NPAS3: variants seen among roughly 807,000 people sequenced by gnomAD.
NPAS3 encodes neuronal PAS domain protein 3, also known as neuronal PAS domain-containing protein 3.
A neutral mutation model predicts 73.1 loss-of-function variants in NPAS3; 14 were observed. The ratio of observed to expected loss-of-function variants is 0.19; its 90% CI spans 0.13 to 0.30. The LOEUF is 0.30. Ranked by LOEUF, NPAS3 falls within the 10% of genes least tolerant of loss-of-function variation. The pLI is 1.00. For synonymous variants in NPAS3, 620 were observed against 541.5 expected (o/e 1.14, Z -2.01); for missense variants, 1,096 against 1,250.0 (o/e 0.88, Z 1.86).
At chr14:33,759,876 G>A (rs1272907000) in intron 7 of NPAS3, among the ~76,000 whole-genome samples, 1 of 152,140 alleles carries the variant, frequency 6.6e-6, no homozygotes, top group African/African-American at 2.4e-5. Context: ...AGGGCATTTA[G>A]CATAATGGAT....
At chr14:33,510,133 T>C (rs149434979) in intron 4 of NPAS3, among the ~76,000 whole-genome samples, 1 of 152,166 alleles carries the variant, frequency 6.6e-6, no homozygotes, top group East Asian at 1.9e-4. Flanking sequence ...AGCAGTGCGA[T>C]GTGGTGTGTG....
chr14:33,639,802 A>G (rs2140175775), intron 5 of NPAS3, among the ~76,000 whole-genome samples: 1 of 152,380 alleles, frequency 6.6e-6, no homozygotes, highest in South Asian at 2.1e-4. Context: ...TAAAAGTGTT[A>G]TCTGACTTGA....
At chr14:33,803,917 C>A (rs374121314), downstream of NPAS3, 1 of 152,116 alleles carries the variant, frequency 6.6e-6, no homozygotes, top group Admixed American at 6.5e-5. Flanking sequence ...CGTTACAAAG[C>A]GACAGCTATG....
At position 33,445,816 on chromosome 14, in the gene NPAS3, A is replaced by C. The variant is rs893016513; in HGVS notation, c.468+78548A>C. On this transcript the variant is annotated intron_variant, in intron 4 of 11. Transcript: ENST00000356141. Reference sequence around the variant, plus strand: ...CTTGGTTACCCATGTTGAATAACCAACCCATTGTTTAGGAGACAGTCACCA... The same window carrying C: ...CTTGGTTACCCATGTTGAATAACCACCCCATTGTTTAGGAGACAGTCACCA... 3.9e-5 allele frequency among the ~76,000 whole-genome samples: 6 copies of C among 152,138 alleles called. No individual in the cohort carries two copies. In the East Asian group the frequency reaches 1.2e-3, roughly 29 times the overall value.
intron 5 of NPAS3, among the ~76,000 whole-genome samples, chr14:33,563,537 C>CACACACACACACACACACAGAGAG: frequency 1.5e-4 from 18 of 119,696 alleles, no homozygotes; most frequent in South Asian, 5.4e-4. Context: ...CACACACACA[C>CACACACACACACACACACAGAGAG]AGAGAGAGAG....
chr14:33,153,247 T>C (rs1327038885), intron 2 of NPAS3, among the ~76,000 whole-genome samples: 1 of 152,016 alleles, frequency 6.6e-6, no homozygotes, highest in African/African-American at 2.4e-5. Flanking sequence ...GTATCTTCTG[T>C]GTTAGAGAGT....
At chr14:33,646,849 AT>A (rs55915631) in intron 5 of NPAS3, among the ~76,000 whole-genome samples, 72,153 of 150,642 alleles carry the variant, frequency 0.48, 17,919 homozygotes, top group African/African-American at 0.63. Flanking sequence ...TATTTATAAC[AT>A]TTTTTTTTTA....
chr14:33,210,202 A>T (rs974173715), intron 2 of NPAS3, among the ~76,000 whole-genome samples: 5 of 152,202 alleles, frequency 3.3e-5, no homozygotes, highest in African/African-American at 1.2e-4. Flanking sequence ...TCTTTTAATT[A>T]AATAAGTCAT....
intron 4 of NPAS3, among the ~76,000 whole-genome samples, chr14:33,463,695 G>A (rs2050376970): frequency 6.6e-6 from 1 of 152,154 alleles, no homozygotes; most frequent in African/African-American, 2.4e-5. Context: ...CCTGGAGTCA[G>A]GAATGTGTAG....
In NPAS3 at chr14:33,575,498, G is replaced by A. The variant is rs78182885; in HGVS notation, c.558+15288G>A. ...CCAATTGTTCCTAACATTTCTGTGA[G>A]TGCTGAGGCTCCCACATTCCTTTTC... is the stretch of plus-strand genomic sequence containing the variant. On this transcript the variant is annotated intron_variant, in intron 5 of 11. Coordinates refer to ENST00000356141, the Ensembl canonical transcript of NPAS3. Among the ~76,000 whole-genome samples the A allele has an allele frequency of 7.3e-3, 1,112 of 152,240 alleles. 67 individuals are homozygous for A. The East Asian group carries it at 0.16, about 22-fold the overall frequency.
intron 4 of NPAS3, among the ~76,000 whole-genome samples, chr14:33,458,246 G>C (rs1189491824): frequency 2.0e-5 from 3 of 152,170 alleles, no homozygotes; most frequent in East Asian, 1.9e-4. Context: ...GCCTAATGTA[G>C]ACTTGAATAC....
intron 4 of NPAS3, among the ~76,000 whole-genome samples, chr14:33,548,837 A>C (rs939691005): frequency 2.6e-5 from 4 of 152,210 alleles, no homozygotes; most frequent in Admixed American, 2.6e-4. Flanking sequence ...GACTTCACCT[A>C]AAGAACCTAA....
intron 4 of NPAS3, among the ~76,000 whole-genome samples, chr14:33,552,690 A>T (rs1210064290): frequency 6.6e-6 from 1 of 152,036 alleles, no homozygotes; most frequent in Admixed American, 6.6e-5. Context: ...TAATGCCAAC[A>T]ACTTGAAAGA....
intron 2 of NPAS3, among the ~76,000 whole-genome samples, chr14:33,078,064 G>A (rs117419411): frequency 0.015 from 2,312 of 151,900 alleles, 34 homozygotes; most frequent in South Asian, 0.052. Flanking sequence ...GCCTGAACCC[G>A]GGAAGTGGAG....
chr14:33,187,364 C>T (rs2046014875), intron 2 of NPAS3, among the ~76,000 whole-genome samples: 1 of 152,122 alleles, frequency 6.6e-6, no homozygotes, highest in South Asian at 2.1e-4. Flanking sequence ...TTCTCCACAC[C>T]TTTATGTAGG....
intron 5 of NPAS3, 99 bp from the exon 6 acceptor site, chr14:33,676,112 A>G (rs2059756752): frequency 8.3e-7 from 1 of 1,210,692 alleles, no homozygotes; most frequent in Non-Finnish European, 1.2e-6. Context: ...ACCTGAATGT[A>G]TTTTCTTTTC....
chr14:33,228,649 T>C (rs2047727824), intron 3 of NPAS3, among the ~76,000 whole-genome samples: 1 of 152,156 alleles, frequency 6.6e-6, no homozygotes, highest in Non-Finnish European at 1.5e-5. Flanking sequence ...CAAGACTCTG[T>C]ACTAGGCTCT....
At chr14:33,239,548 C>A (rs1224305532) in intron 3 of NPAS3, among the ~76,000 whole-genome samples, 1 of 151,854 alleles carries the variant, frequency 6.6e-6, no homozygotes, top group African/African-American at 2.4e-5. Flanking sequence ...GAAAGCCTTG[C>A]TCACAGACAA....
At chr14:33,056,752 G>C (rs1163570723) in intron 2 of NPAS3, among the ~76,000 whole-genome samples, 4 of 152,152 alleles carry the variant, frequency 2.6e-5, no homozygotes, top group Non-Finnish European at 5.9e-5. Flanking sequence ...CCCCAAAAAA[G>C]ATGAAATTTA....
Sources: gnomAD v4.1 joint callset for allele counts (sites outside exome capture counted in the v4.1 genomes callset) on GRCh38, gnomAD v4.1.1 for gene constraint, MANE v1.5 for transcripts, NCBI Gene and HGNC (gene_info 2026-07-23, HGNC 2026-07-21) for gene names.